Variants in SLC25A28 observed in about 807,000 individuals in gnomAD.
SLC25A28 encodes the protein solute carrier family 25 member 28, also known as mitoferrin-2.
Under a neutral mutation model 31.9 loss-of-function variants are expected in SLC25A28, and 10 were observed. The ratio of observed to expected loss-of-function variants is 0.31; its 90% CI spans 0.19 to 0.53. The LOEUF is 0.53. SLC25A28 is among the 20% of genes least tolerant of loss of function. The pLI is 0.95. For synonymous variants in SLC25A28, 208 were observed against 203.6 expected, an observed-to-expected ratio of 1.02 and a Z score of -0.19; for missense variants, 256 against 490.3, an observed-to-expected ratio of 0.52 and a Z score of 4.51.
the SLC25A28 span, among the ~76,000 whole-genome samples, chr10:99,655,385 G>A: frequency 8.0e-3 from 1,218 of 152,208 alleles, 5 homozygotes; most frequent in South Asian, 0.015. Flanking sequence ...ATGTTTCAAT[G>A]AACTTTTGAA....
chr10:99,614,490 T>A (rs1263213853), intron 1 of SLC25A28, among the ~76,000 whole-genome samples: 2 of 152,148 alleles, frequency 1.3e-5, no homozygotes, highest in Non-Finnish European at 2.9e-5. Flanking sequence ...GGAAAGAAAG[T>A]TTACCCTGAA....
At chr10:99,647,640 C>T in the SLC25A28 span, among the ~76,000 whole-genome samples, 1 of 152,178 alleles carries the variant, frequency 6.6e-6, no homozygotes, top group Non-Finnish European at 1.5e-5. Context: ...TTTTGCTTTG[C>T]AGAAGGTTTT....
upstream of SLC25A28, chr10:99,620,919 C>T (rs1288203435): frequency 3.0e-6 from 3 of 984,592 alleles, no homozygotes; most frequent in African/African-American, 1.8e-5. Context: ...CCTTCAACGT[C>T]AAACTGCTGA....
At chr10:99,625,140 G>A (rs1376842228), upstream of SLC25A28, among the ~76,000 whole-genome samples, 2 of 151,926 alleles carry the variant, frequency 1.3e-5, no homozygotes, top group African/African-American at 4.8e-5. Flanking sequence ...GATTGAAGCC[G>A]CAGACCTTTG....
chr10:99,646,751 C>G, the SLC25A28 span, among the ~76,000 whole-genome samples: 1 of 152,194 alleles, frequency 6.6e-6, no homozygotes, highest in African/African-American at 2.4e-5. Context: ...AAAGTCTGCA[C>G]TTTTAGTGTA....
At chr10:99,646,543 G>A in the SLC25A28 span, among the ~76,000 whole-genome samples, 1,608 of 152,218 alleles carry the variant, frequency 0.011, 31 homozygotes, top group African/African-American at 0.037. Context: ...TTTGGCTCAC[G>A]CTCCATGGGC....
chr10:99,619,515 G>C (rs1384533413), intron 1 of SLC25A28: 1 of 695,746 alleles, frequency 1.4e-6, no homozygotes, highest in African/African-American at 1.9e-5. Flanking sequence ...ACTGCACAAT[G>C]ATTTCCAATC....
chr10:99,644,622 G>A, the SLC25A28 span, among the ~76,000 whole-genome samples: 5 of 152,212 alleles, frequency 3.3e-5, no homozygotes, highest in African/African-American at 7.2e-5. Context: ...TATTTTGCTC[G>A]TTAGTTGATG....
At chr10:99,642,174 C>A in the SLC25A28 span, among the ~76,000 whole-genome samples, 1 of 152,024 alleles carries the variant, frequency 6.6e-6, no homozygotes, top group Non-Finnish European at 1.5e-5. Flanking sequence ...GCCATTTTAG[C>A]AATATTGATT....
At chr10:99,623,459 A>G (rs974007778), upstream of SLC25A28, among the ~76,000 whole-genome samples, 155 of 152,276 alleles carry the variant, frequency 1.0e-3, no homozygotes, top group Non-Finnish European at 1.1e-3. Context: ...TTGACTGCCC[A>G]TTCAGAATCA....
the SLC25A28 span, among the ~76,000 whole-genome samples, chr10:99,636,557 A>G: frequency 1.3e-5 from 2 of 152,188 alleles, no homozygotes; most frequent in Non-Finnish European, 2.9e-5. Context: ...ATCTCAAGGA[A>G]CTGGAGAAAC....
chr10:99,622,492 C>T (rs2034814904), upstream of SLC25A28, among the ~76,000 whole-genome samples: 1 of 152,210 alleles, frequency 6.6e-6, no homozygotes, highest in African/African-American at 2.4e-5. Flanking sequence ...AATGACCTAT[C>T]CACCTCTATG....
the SLC25A28 span, among the ~76,000 whole-genome samples, chr10:99,637,995 A>G: frequency 6.6e-6 from 1 of 152,164 alleles, no homozygotes; most frequent in African/African-American, 2.4e-5. Context: ...CCAAAGCAAG[A>G]CTAAGCATAA....
chr10:99,620,829 C>A (rs1233726991), upstream of SLC25A28: 4 of 985,476 alleles, frequency 4.1e-6, no homozygotes, highest in South Asian at 1.9e-4. Context: ...CTCTAGGGGC[C>A]GACTTCGGGC....
the SLC25A28 span, among the ~76,000 whole-genome samples, chr10:99,651,313 CTAA>C: frequency 6.6e-6 from 1 of 152,150 alleles, no homozygotes; most frequent in African/African-American, 2.4e-5. Flanking sequence ...GCTCTAATGA[CTAA>C]TGATTTTGAA....
chr10:99,658,993 C>G, the SLC25A28 span, among the ~76,000 whole-genome samples: 1 of 152,172 alleles, frequency 6.6e-6, no homozygotes, highest in Non-Finnish European at 1.5e-5. Context: ...CGGGGCAAGA[C>G]AGTGAGGTCG....
At chr10:99,647,950 G>A in the SLC25A28 span, among the ~76,000 whole-genome samples, 1 of 151,820 alleles carries the variant, frequency 6.6e-6, no homozygotes, top group Non-Finnish European at 1.5e-5. Context: ...GCTTGTCAAA[G>A]GTCAGTTTGT....
chr10:99,624,476 A>G (rs2034849213), upstream of SLC25A28, among the ~76,000 whole-genome samples: 2 of 152,162 alleles, frequency 1.3e-5, no homozygotes, highest in South Asian at 4.1e-4. Context: ...TAAGCACCTA[A>G]CCTGCACACA....
At chr10:99,617,545 T>C in intron 1 of SLC25A28, 1 of 985,440 alleles carries the variant, frequency 1.0e-6, no homozygotes, top group African/African-American at 1.7e-5. Context: ...GGATAGCTGC[T>C]GGGGACAAGC....
Sources: allele counts gnomAD v4.1 joint callset (sites outside exome capture counted in the v4.1 genomes callset), GRCh38; gene constraint gnomAD v4.1.1; transcripts MANE v1.5; gene names NCBI Gene and HGNC (gene_info 2026-07-23, HGNC 2026-07-21).